The following ACBD6 variants were observed in gnomAD, a reference collection of about 807,000 sequenced individuals.
ACBD6 encodes acyl-CoA-binding domain-containing protein 6.
ACBD6 carries 28 observed loss-of-function variants against 37.2 expected under a neutral mutation model. The ratio of observed to expected loss-of-function variants is 0.75; its 90% CI spans 0.56 to 1.03. The LOEUF (loss-of-function observed/expected upper bound fraction) is 1.03. Among genes scored for constraint, ACBD6 ranks in the 50% least tolerant of loss-of-function variants. The probability of loss-of-function intolerance (pLI) is 0.00; values close to 1 mark genes in which losing one functional copy is unlikely to be tolerated. For synonymous variants in ACBD6, 113 were observed against 126.8 expected, an observed-to-expected ratio of 0.89 and a Z score of 0.73; for missense variants, 340 against 337.4, an observed-to-expected ratio of 1.01 and a Z score of -0.06.
At chr1:180,393,817 C>A (rs995841401) in intron 6 of ACBD6, among the ~76,000 whole-genome samples, 1 of 152,148 alleles carries the variant, frequency 6.6e-6, no homozygotes, top group Non-Finnish European at 1.5e-5. Flanking sequence ...TGGCTACACA[C>A]AATGGTCATG....
intron 5 of ACBD6, among the ~76,000 whole-genome samples, chr1:180,403,450 A>G (rs981651462): frequency 6.6e-6 from 1 of 152,238 alleles, no homozygotes; most frequent in African/African-American, 2.4e-5. Context: ...TGTATCAAAA[A>G]ATAAAAAAGA....
intron 6 of ACBD6, among the ~76,000 whole-genome samples, chr1:180,335,119 T>C (rs1404765629): frequency 1.3e-5 from 2 of 152,106 alleles, no homozygotes; most frequent in Non-Finnish European, 2.9e-5. Context: ...TTCCCCAAAC[T>C]AGCAAGGCAG....
intron 3 of ACBD6, among the ~76,000 whole-genome samples, chr1:180,451,066 CTAA>C (rs1418365394): frequency 6.6e-6 from 1 of 151,962 alleles, no homozygotes; most frequent in South Asian, 2.1e-4. Flanking sequence ...TAAATTCATT[CTAA>C]TAATGAGATT....
intron 3 of ACBD6, among the ~76,000 whole-genome samples, chr1:180,476,118 T>C (rs1448443512): frequency 2.6e-5 from 4 of 152,186 alleles, no homozygotes; most frequent in Admixed American, 1.3e-4. Context: ...TGCAACCCAA[T>C]CCCACCAATA....
chr1:180,492,944 G>C lies in ACBD6; in HGVS notation c.288-579C>G, dbSNP rs567082914. Among the ~76,000 whole-genome samples, 7 of 152,034 alleles carry C rather than the reference G, an allele frequency of 4.6e-5. No homozygotes were observed. The South Asian group carries it at 1.5e-3, about 32-fold the overall frequency. ...TCTGGGACTTCAAAAGTAAGGGATG[G>C]TGAGGGCAGAAATAAGAATACTGGC... On this transcript the variant is annotated intron_variant, in intron 2 of 7. Transcript: ENST00000367595.
At chr1:180,308,100 G>A (rs924450771) in intron 7 of ACBD6, among the ~76,000 whole-genome samples, 1 of 151,982 alleles carries the variant, frequency 6.6e-6, no homozygotes, top group East Asian at 1.9e-4. Context: ...TTTAACTTGT[G>A]TCAATTCTTC....
chr1:180,334,285 C>T (rs1043856153), intron 6 of ACBD6, among the ~76,000 whole-genome samples: 1 of 152,182 alleles, frequency 6.6e-6, no homozygotes, highest in Non-Finnish European at 1.5e-5. Flanking sequence ...AGATTGACAC[C>T]TCACACGGCC....
rs752546808 is a variant in ACBD6, at chr1:180,317,210, A to AT, written c.664-2489dup. 2.4e-4 allele frequency among the ~76,000 whole-genome samples: 36 copies of AT among 152,218 alleles called. 1 individual carries two copies. The highest frequency in any genetic ancestry group is 3.4e-3 in the Middle Eastern group (1 of 294). ...AAATACGTACAATTATTATGTGTCA[A>AT]TTTTAAAAAAGAGAGTGTGGTCAAA... is the stretch of plus-strand genomic sequence containing the variant. On this transcript the variant is annotated intron_variant, in intron 6 of 7. Coordinates refer to ENST00000367595, the MANE Select transcript of ACBD6 (RefSeq NM_032360.4).
At chr1:180,476,569 T>C (rs1650799542) in intron 3 of ACBD6, among the ~76,000 whole-genome samples, 1 of 152,208 alleles carries the variant, frequency 6.6e-6, no homozygotes, top group African/African-American at 2.4e-5. Context: ...CTCACGCCTA[T>C]AATCCCAGCA....
chr1:180,271,994 C>T, intron 13 of ACBD6: 1 of 1,612,398 alleles, frequency 6.2e-7, no homozygotes, highest in Non-Finnish European at 8.5e-7. Flanking sequence ...TGACAGTGAG[C>T]TGAGCTTCCG....
chr1:180,430,954 C>T (rs1648788616), intron 3 of ACBD6, among the ~76,000 whole-genome samples: 1 of 152,096 alleles, frequency 6.6e-6, no homozygotes, highest in African/African-American at 2.4e-5. Flanking sequence ...AAAGTGCAAC[C>T]TCTGCAAAAC....
rs115468963 is a variant in ACBD6, at chr1:180,381,786, A to G, written c.663+15730T>C. ...AAAAGTAGAAATATTTCAAATGAAC[A>G]ATCTAACAAGTCACCTCAAGGAACT... is the stretch of plus-strand genomic sequence containing the variant. On this transcript the variant is annotated intron_variant, in intron 6 of 7. Coordinates refer to ENST00000367595, the MANE Select transcript of ACBD6 (RefSeq NM_032360.4). 3.3e-3 allele frequency among the ~76,000 whole-genome samples: 500 copies of G among 152,282 alleles called. 3 individuals are homozygous for G. The highest frequency in any genetic ancestry group is 0.012 in the African/African-American group (479 of 41,568).
At chr1:180,317,478 T>C (rs1045825728) in intron 6 of ACBD6, among the ~76,000 whole-genome samples, 1 of 152,150 alleles carries the variant, frequency 6.6e-6, no homozygotes, top group African/African-American at 2.4e-5. Flanking sequence ...GAACTGTACA[T>C]GTAAAAATGG....
chr1:180,356,034 AT>A (rs35274094), intron 6 of ACBD6, among the ~76,000 whole-genome samples: 1 of 149,380 alleles, frequency 6.7e-6, no homozygotes, highest in African/African-American at 2.5e-5. Context: ...CGCCCGGCTA[AT>A]TTTTTTTTTG....
intron 6 of ACBD6, among the ~76,000 whole-genome samples, chr1:180,339,484 G>C (rs1176246521): frequency 1.3e-5 from 2 of 152,090 alleles, no homozygotes; most frequent in Non-Finnish European, 2.9e-5. Context: ...TGAACAATGA[G>C]AATATTTGGA....
At chr1:180,339,150 A>G (rs1208039582) in intron 6 of ACBD6, among the ~76,000 whole-genome samples, 1 of 152,236 alleles carries the variant, frequency 6.6e-6, no homozygotes, top group East Asian at 1.9e-4. Flanking sequence ...AGAACTAGAA[A>G]TATCATTTGA....
intron 6 of ACBD6, among the ~76,000 whole-genome samples, chr1:180,364,893 C>G (rs1300895303): frequency 6.6e-6 from 1 of 152,072 alleles, no homozygotes; most frequent in African/African-American, 2.4e-5. Context: ...GCCACAACGC[C>G]TGGCTAATTT....
At position 180,274,423 on chromosome 1, in the gene ACBD6, C is replaced by G. The variant is rs28737275; in HGVS notation, c.*936+228G>C. On this transcript the variant is annotated intron_variant, in intron 10 of 13. Transcript: ENST00000642319. ...ATTACACGGTGGACAGTAATTTGGG[C>G]ATCATTGCGCATGCAGGGCAGGGAG... 98 of 1,614,184 alleles carry G rather than the reference C, an allele frequency of 6.1e-5. No homozygotes were observed. The highest frequency in any genetic ancestry group is 3.3e-4 in the Middle Eastern group (2 of 6,062).
chr1:180,375,032 C>G (rs1412359437), intron 6 of ACBD6, among the ~76,000 whole-genome samples: 1 of 152,000 alleles, frequency 6.6e-6, no homozygotes, highest in African/African-American at 2.4e-5. Flanking sequence ...TCAGTTTTCC[C>G]TAACTTATAA....
Sources: allele counts gnomAD v4.1 joint callset (sites outside exome capture counted in the v4.1 genomes callset), GRCh38; gene constraint gnomAD v4.1.1; transcripts MANE v1.5; gene names NCBI Gene and HGNC (gene_info 2026-07-23, HGNC 2026-07-21).